Variants in FNDC1 observed in about 807,000 individuals in gnomAD.
The protein encoded by FNDC1 is fibronectin type III domain-containing protein 1.
In FNDC1, 96 loss-of-function variants were observed where a neutral mutation model predicts 168.0. The observed-to-expected ratio is 0.57, with a 90% CI of 0.48 to 0.68. FNDC1 has a LOEUF of 0.68. FNDC1 is among the 30% of genes least tolerant of loss of function. FNDC1 has a pLI of 0.00. For missense variants in FNDC1, 2,587 were observed against 2,482.1 expected, an observed-to-expected ratio of 1.04 and a Z score of -0.90; for synonymous variants, 1,099 against 1,025.9, an observed-to-expected ratio of 1.07 and a Z score of -1.36.
chr6:159,227,595 C>A (rs548356161), intron 9 of FNDC1, among the ~76,000 whole-genome samples: 7 of 148,674 alleles, frequency 4.7e-5, no homozygotes, highest in African/African-American at 1.7e-4. Flanking sequence ...CTATACTTCA[C>A]GTTTTTTCAC....
At chr6:159,257,889 A>C (rs1319052884) in intron 18 of FNDC1, among the ~76,000 whole-genome samples, 1 of 147,472 alleles carries the variant, frequency 6.8e-6, no homozygotes, top group African/African-American at 2.5e-5. Flanking sequence ...AAAATTAGAG[A>C]AAATGGAGTC....
rs1181425220 is a variant in FNDC1, at chr6:159,234,292, A to ACCG, written c.3781_3782insCGC (p.Arg1260_Leu1261insPro). 1.1e-5 allele frequency: 17 copies of ACCG among 1,602,872 alleles called. No homozygotes were observed. In the African/African-American group the frequency reaches 2.1e-4, roughly 20 times the overall value. Reference sequence around the variant, plus strand: ...CCAGGGCCTCCCACGTCCCTTCCCGACTGCCGCCTCGCAGCGCTGCCACCG... The same window carrying ACCG: ...CCAGGGCCTCCCACGTCCCTTCCCGACCGCTGCCGCCTCGCAGCGCTGCCACCG... On this transcript the variant is annotated inframe_insertion, in exon 11 of 23. Transcript: ENST00000297267.
At chr6:159,269,670 G>C (rs111297676) in intron 22 of FNDC1, among the ~76,000 whole-genome samples, 16 of 150,994 alleles carry the variant, frequency 1.1e-4, no homozygotes, top group Non-Finnish European at 1.3e-4. Flanking sequence ...TTAAAGAACC[G>C]TCTCACACAA....
rs1242660835 is a variant in FNDC1, at chr6:159,169,600, G to T, written c.4G>T (p.Ala2Ser). MAPEAGATLRAP... is the reference protein window; with the variant it reads MSPEAGATLRAP... ...CCCGGCCCACCCCGGGCTCTCGATGGCCCCCGAGGCCGGGGCGACCCTGCG... is the reference window on the plus strand; with the variant it reads ...CCCGGCCCACCCCGGGCTCTCGATGTCCCCCGAGGCCGGGGCGACCCTGCG... Residue 2 changes from alanine (A) to serine (S), a missense_variant, in exon 1 of 23, where the codon GCC becomes TCC. Transcript: ENST00000297267. This position sits in a 1 kb window ranked among gnomAD's most constrained non-coding sequence, Gnocchi z 6.8. 2.7e-6 allele frequency: 3 copies of T among 1,111,984 alleles called. No homozygotes were observed. 68.9% of individuals were successfully genotyped at this position (1,111,984 alleles called of 1,614,324 possible).
chr6:159,261,947 A>T (rs542396669), intron 19 of FNDC1, among the ~76,000 whole-genome samples: 15 of 107,532 alleles, frequency 1.4e-4, no homozygotes, highest in African/African-American at 3.6e-4. Flanking sequence ...ACAAAAAAAA[A>T]ATTTTTTTTA....
In FNDC1 at chr6:159,271,387, C is replaced by CCTA. The variant is rs1777744996; in HGVS notation, c.5637_5639dup (p.Tyr1880dup). ...TTTGGGAACATCGGCTTCGGAACCC[C>CCTA]CTACTACTATGTGGGCTGGTACGAG... On this transcript the variant is annotated inframe_insertion, in exon 23 of 23. Coordinates refer to ENST00000297267, the MANE Select transcript of FNDC1 (RefSeq NM_032532.3). The CCTA allele has an allele frequency of 6.2e-7, 1 of 1,612,698 alleles. No homozygotes were observed. The highest frequency in any genetic ancestry group is 1.3e-5 in the African/African-American group (1 of 74,894).
At chr6:159,268,129 G>C (rs1777629209) in intron 22 of FNDC1, among the ~76,000 whole-genome samples, 1 of 152,038 alleles carries the variant, frequency 6.6e-6, no homozygotes. Flanking sequence ...TCTCAAGGAG[G>C]TGGGGAACGG....
chr6:159,236,532 G>T (rs545380904), intron 12 of FNDC1, among the ~76,000 whole-genome samples: 29 of 152,314 alleles, frequency 1.9e-4, no homozygotes, highest in African/African-American at 6.0e-4. Context: ...CCAAGATAAG[G>T]CATGGGCCTT....
At chr6:159,216,789 G>A (rs773417799) in intron 5 of FNDC1, among the ~76,000 whole-genome samples, 1 of 152,224 alleles carries the variant, frequency 6.6e-6, no homozygotes, top group Non-Finnish European at 1.5e-5. Context: ...GTCATGTAAG[G>A]GGGCTTTCAG....
chr6:159,256,529 T>G lies in FNDC1; in HGVS notation c.5072T>G (p.Leu1691Trp). Residue 1691 changes from leucine to tryptophan, a missense_variant, in exon 18 of 23, where the codon TTG becomes TGG. Physicochemically the swap from Leu to Trp is moderately conservative, Grantham distance 61 (BLOSUM62 -2). Transcript: ENST00000297267. ...TTCCTGTTTCCATTTTCAGGTTACTTGGTTTACAGTGCATCCTATGAAGAC... is the reference window on the plus strand; with the variant it reads ...TTCCTGTTTCCATTTTCAGGTTACTGGGTTTACAGTGCATCCTATGAAGAC... The part of the protein sequence containing the change: ...ATPGDVVTGY[L>W]VYSASYEDFI... 6.2e-7 allele frequency: 1 copy of G among 1,611,256 alleles called. No homozygotes were observed. Among genetic ancestry groups the G allele is most frequent in the Non-Finnish European group, 8.5e-7 (1 of 1,178,636 alleles).
rs763962621 is a variant in FNDC1, at chr6:159,251,415, A to G, written c.4948A>G (p.Lys1650Glu). 4 of 1,613,782 alleles carry G rather than the reference A, an allele frequency of 2.5e-6. No individual in the cohort carries two copies. The highest frequency in any genetic ancestry group is 3.3e-5 in the Admixed American group (2 of 60,000). The change falls in exon 17 of 23, where the codon AAG (lysine) becomes GAG (glutamate). Residue 1650 changes from lysine (K) to glutamate (E), a missense_variant. By Grantham distance (56) the Lys-to-Glu change is moderately conservative (BLOSUM62 1). Coordinates refer to ENST00000297267, the MANE Select transcript of FNDC1 (RefSeq NM_032532.3). ...LDEIIPNDLKKSDLPPQHAPR... is the reference protein window; with the variant it reads ...LDEIIPNDLKESDLPPQHAPR... ...TGAAATCATCCCCAATGACCTGAAG[A>G]AGAGTGACCTGCCTCCCCAGCATGC...
At chr6:159,187,466 T>C (rs79414857) in intron 1 of FNDC1, among the ~76,000 whole-genome samples, 2 of 152,158 alleles carry the variant, frequency 1.3e-5, no homozygotes, top group African/African-American at 4.8e-5. Context: ...TTTTGTACAG[T>C]TATCCTTAAA....
chr6:159,228,116 A>G (rs1430644856), intron 9 of FNDC1, among the ~76,000 whole-genome samples: 2 of 152,170 alleles, frequency 1.3e-5, no homozygotes, highest in Non-Finnish European at 2.9e-5. Context: ...TTCCCATGCT[A>G]CTTATGTACT....
At chr6:159,213,714 A>C (rs904110939) in intron 4 of FNDC1, among the ~76,000 whole-genome samples, 15 of 150,248 alleles carry the variant, frequency 1.0e-4, no homozygotes, top group African/African-American at 3.5e-4. Context: ...AAAAAAAAAA[A>C]CCTTTAAAAC....
rs548489090 is a variant in FNDC1, at chr6:159,239,217, G to A, written c.4181-300G>A. 9.2e-5 allele frequency among the ~76,000 whole-genome samples: 14 copies of A among 152,228 alleles called. No homozygotes were observed. The South Asian group carries it at 1.9e-3, about 20-fold the overall frequency. On this transcript the variant is annotated intron_variant, in intron 13 of 22. Transcript: ENST00000297267. ...CTGCAATAGAGACCATACGGCCTATGAGGCTTAACATATTCGCTTCCTGGC... is the reference window on the plus strand; with the variant it reads ...CTGCAATAGAGACCATACGGCCTATAAGGCTTAACATATTCGCTTCCTGGC...
intron 1 of FNDC1, among the ~76,000 whole-genome samples, chr6:159,181,190 G>T (rs1208189788): frequency 6.6e-6 from 1 of 152,156 alleles, no homozygotes; most frequent in African/African-American, 2.4e-5. Context: ...GGCATGAGAT[G>T]GTATCTCATT....
chr6:159,202,056 G>C (rs2114951665), intron 4 of FNDC1, among the ~76,000 whole-genome samples: 1 of 152,322 alleles, frequency 6.6e-6, no homozygotes, highest in Non-Finnish European at 1.5e-5. Flanking sequence ...TATGTATTGT[G>C]AGATTATTGA....
intron 16 of FNDC1, among the ~76,000 whole-genome samples, chr6:159,249,508 G>C (rs1387999443): frequency 2.0e-5 from 3 of 152,126 alleles, no homozygotes; most frequent in African/African-American, 7.2e-5. Context: ...GTTTTTCTAC[G>C]ACAAGACTTA....
intron 1 of FNDC1, among the ~76,000 whole-genome samples, chr6:159,176,592 T>C (rs1212306578): frequency 6.6e-6 from 1 of 152,160 alleles, no homozygotes; most frequent in African/African-American, 2.4e-5. Context: ...GAACCAGGAA[T>C]ATTCGAGGTG....
Sources: allele counts gnomAD v4.1 joint callset (sites outside exome capture counted in the v4.1 genomes callset), GRCh38; gene constraint gnomAD v4.1.1; non-coding constraint Gnocchi (gnomAD v3.1); transcripts MANE v1.5; gene names NCBI Gene and HGNC (gene_info 2026-07-23, HGNC 2026-07-21).